The following BLTP1 variants were observed in gnomAD, a reference collection of about 807,000 sequenced individuals.
BLTP1 encodes fragile site-associated protein.
chr4:122,246,663 A>T, the BLTP1 span: 1 of 1,597,456 alleles, frequency 6.3e-7, no homozygotes. Flanking sequence ...GTCAGTTCTG[A>T]AATTTTGTGT....
chr4:122,201,079 A>C, the BLTP1 span: 1 of 1,613,858 alleles, frequency 6.2e-7, no homozygotes, highest in Non-Finnish European at 8.5e-7. Context: ...TTAGAGGTTT[A>C]TAAAGCCACT....
chr4:122,235,352 C>T, the BLTP1 span: 1 of 984,204 alleles, frequency 1.0e-6, no homozygotes, highest in African/African-American at 1.7e-5. Context: ...AATAGCTGTG[C>T]TTCAAGGTAA....
the BLTP1 span, chr4:122,175,808 A>G: frequency 7.3e-7 from 1 of 1,364,764 alleles, no homozygotes; most frequent in East Asian, 2.3e-5. Flanking sequence ...GAGTTAAGTA[A>G]ATTGTTACTT....
At chr4:122,346,771 T>A in the BLTP1 span, 4 of 1,606,072 alleles carry the variant, frequency 2.5e-6, no homozygotes, top group African/African-American at 1.3e-5. Flanking sequence ...GTAAGCTTGT[T>A]ATGTAATTTT....
chr4:122,318,258 G>C, the BLTP1 span: 1 of 1,610,058 alleles, frequency 6.2e-7, no homozygotes, highest in Non-Finnish European at 8.5e-7. Context: ...AATTACGGAG[G>C]TCCAGTATGC....
At chr4:122,253,688 C>T in the BLTP1 span, among the ~76,000 whole-genome samples, 1 of 152,042 alleles carries the variant, frequency 6.6e-6, no homozygotes, top group African/African-American at 2.4e-5. Context: ...CTAATAGTTA[C>T]TGGCCTTAAA....
At chr4:122,207,500 AT>A in the BLTP1 span, 1 of 1,510,386 alleles carries the variant, frequency 6.6e-7, no homozygotes, top group Non-Finnish European at 8.8e-7. Context: ...TTAAAAGTAA[AT>A]TTACTTTTTC....
At chr4:122,308,825 GAATTA>G in the BLTP1 span, among the ~76,000 whole-genome samples, 1 of 152,038 alleles carries the variant, frequency 6.6e-6, no homozygotes, top group African/African-American at 2.4e-5. Context: ...ACCAGTTGTT[GAATTA>G]ATTTATCTTT....
the BLTP1 span, chr4:122,266,621 A>C: frequency 1.9e-3 from 342 of 183,032 alleles, 6 homozygotes; most frequent in South Asian, 0.029. Context: ...ATTTTAAGTA[A>C]AGTTAGAGTC....
the BLTP1 span, chr4:122,247,740 T>G: frequency 9.9e-7 from 1 of 1,009,162 alleles, no homozygotes; most frequent in Non-Finnish European, 1.2e-6. Context: ...AAGAATTAAT[T>G]GTAATATTAA....
the BLTP1 span, chr4:122,361,888 A>AT: frequency 3.8e-5 from 33 of 862,672 alleles, no homozygotes; most frequent in Non-Finnish European, 5.2e-5. Context: ...TCCAGGAATT[A>AT]TGGGCTCATT....
the BLTP1 span, chr4:122,178,132 G>A: frequency 1.2e-6 from 1 of 849,966 alleles, no homozygotes; most frequent in East Asian, 1.2e-4. Flanking sequence ...TCTAACATGT[G>A]GAGGCATAAT....
chr4:122,235,403 A>G, the BLTP1 span: 1 of 980,202 alleles, frequency 1.0e-6, no homozygotes, highest in Non-Finnish European at 1.2e-6. Flanking sequence ...TAACTTTTGG[A>G]TAGTAATATT....
chr4:122,303,886 G>C, the BLTP1 span, among the ~76,000 whole-genome samples: 1 of 152,142 alleles, frequency 6.6e-6, no homozygotes. Context: ...AATGACAAAG[G>C]ATTTAGAATG....
chr4:122,231,076 A>G, the BLTP1 span, among the ~76,000 whole-genome samples: 12 of 152,216 alleles, frequency 7.9e-5, no homozygotes, highest in South Asian at 2.1e-4. Context: ...TTAAATATTT[A>G]GATTGTTTCT....
the BLTP1 span, chr4:122,341,898 G>C: frequency 2.7e-6 from 2 of 736,098 alleles, no homozygotes; most frequent in East Asian, 2.6e-4. Flanking sequence ...TGGGGGAATG[G>C]ACACTCCCAG....
At chr4:122,236,766 A>G in the BLTP1 span, 1 of 966,008 alleles carries the variant, frequency 1.0e-6, no homozygotes, top group African/African-American at 1.8e-5. Context: ...AAGAAAGTAA[A>G]ATTCTTATAA....
At chr4:122,235,146 T>G in the BLTP1 span, 1 of 944,894 alleles carries the variant, frequency 1.1e-6, no homozygotes, top group Non-Finnish European at 1.6e-6. Flanking sequence ...ATGAGTAGGG[T>G]TTAGTATAAT....
chr4:122,348,915 A>G, the BLTP1 span: 1 of 542,042 alleles, frequency 1.8e-6, no homozygotes, highest in Non-Finnish European at 3.1e-6. Flanking sequence ...TATATGTTCT[A>G]TAAAAAGGGA....
Sources: gnomAD v4.1 joint callset for allele counts (sites outside exome capture counted in the v4.1 genomes callset) on GRCh38, gnomAD v4.1.1 for gene constraint, MANE v1.5 for transcripts, NCBI Gene and HGNC (gene_info 2026-07-23, HGNC 2026-07-21) for gene names.